The following TRPM1 variants were observed in gnomAD, a reference collection of about 807,000 sequenced individuals.
TRPM1 encodes TRPM1-203 APA Isoform, Intron 10.
TRPM1 carries 113 observed loss-of-function variants against 149.4 expected under a neutral mutation model. That is an observed-to-expected ratio of 0.76 (90% CI 0.65 to 0.88). The LOEUF (loss-of-function observed/expected upper bound fraction) is 0.88. Ranked by LOEUF, TRPM1 falls within the 40% of genes least tolerant of loss-of-function variation. The probability of loss-of-function intolerance (pLI) is 0.00; values close to 1 mark genes in which losing one functional copy is unlikely to be tolerated. For missense variants in TRPM1, 1,976 were observed against 2,038.7 expected (o/e 0.97, Z 0.59); for synonymous variants, 741 against 759.5 (o/e 0.98, Z 0.40).
intron 1 of TRPM1, among the ~76,000 whole-genome samples, chr15:31,089,122 A>G (rs951942373): frequency 2.0e-5 from 3 of 152,214 alleles, no homozygotes; most frequent in East Asian, 1.9e-4. Flanking sequence ...CGTGATGAAT[A>G]CAGTGTGGAA....
intron 1 of TRPM1, among the ~76,000 whole-genome samples, chr15:31,082,891 G>T (rs2034900048): frequency 6.6e-6 from 1 of 152,272 alleles, no homozygotes; most frequent in Middle Eastern, 3.4e-3. Flanking sequence ...GGGGAGCCCA[G>T]AAATGGTGGG....
intron 1 of TRPM1, 131 bp downstream of exon 1, chr15:31,101,526 T>C: frequency 2.2e-6 from 1 of 449,816 alleles, no homozygotes; most frequent in African/African-American, 2.1e-5. Flanking sequence ...GCACCTGAGG[T>C]TACCAACACC....
At chr15:31,018,270 C>G (rs1334070171) in intron 27 of TRPM1, among the ~76,000 whole-genome samples, 1 of 152,054 alleles carries the variant, frequency 6.6e-6, no homozygotes, top group Admixed American at 6.6e-5. Flanking sequence ...AGGCTGGTCT[C>G]GAACCCCTGA....
At chr15:31,019,970 A>T (rs904601153) in intron 27 of TRPM1, among the ~76,000 whole-genome samples, 2 of 152,042 alleles carry the variant, frequency 1.3e-5, no homozygotes, top group African/African-American at 4.8e-5. Flanking sequence ...CTCCCGGCCA[A>T]GACTCATGTC....
chr15:31,133,201 C>T (rs754051402), intron 1 of TRPM1, among the ~76,000 whole-genome samples: 3 of 152,128 alleles, frequency 2.0e-5, no homozygotes, highest in Non-Finnish European at 4.4e-5. Flanking sequence ...CTTTGGGAGG[C>T]TGAGGTGGGC....
chr15:31,148,002 A>C (rs2036244125), intron 1 of TRPM1, among the ~76,000 whole-genome samples: 1 of 152,118 alleles, frequency 6.6e-6, no homozygotes. Context: ...ACAAAACAAA[A>C]CAAACAAAAA....
At chr15:31,106,792 C>T (rs895618411) in intron 1 of TRPM1, among the ~76,000 whole-genome samples, 3 of 152,136 alleles carry the variant, frequency 2.0e-5, no homozygotes, top group African/African-American at 7.2e-5. Flanking sequence ...AGGCTAGATT[C>T]CGAGAAGTGA....
In TRPM1 at chr15:31,015,115, T is replaced by C. The variant is rs186157848; in HGVS notation, c.3629+11024A>G. ...AATAATTTCATTTAATATTAAAAGA[T>C]ATATAACCTTGGCTGGGCACGGTGG... On this transcript the variant is annotated intron_variant, in intron 27 of 27. Coordinates refer to ENST00000256552, the MANE Select transcript of TRPM1 (RefSeq NM_001252024.2). 4.7e-3 allele frequency among the ~76,000 whole-genome samples: 709 copies of C among 151,128 alleles called. 5 individuals are homozygous for C. Among genetic ancestry groups the C allele is most frequent in the African/African-American group, 0.017 (688 of 41,048 alleles).
intron 1 of TRPM1, among the ~76,000 whole-genome samples, chr15:31,085,311 A>G (rs1203263091): frequency 6.6e-6 from 1 of 152,152 alleles, no homozygotes; most frequent in African/African-American, 2.4e-5. Flanking sequence ...TCATTTTCCA[A>G]TGGCACTGCT....
chr15:31,137,023 A>G (rs1440666158), intron 1 of TRPM1, among the ~76,000 whole-genome samples: 1 of 152,146 alleles, frequency 6.6e-6, no homozygotes, highest in Non-Finnish European at 1.5e-5. Context: ...TGTCTTCCTC[A>G]TGGAGTCCTG....
At chr15:31,030,947 C>T in intron 23 of TRPM1, 36 bp downstream of exon 23, 1 of 1,612,468 alleles carries the variant, frequency 6.2e-7, no homozygotes, top group South Asian at 1.1e-5. Context: ...GCCTCAGAAG[C>T]AGGGAAGAGA....
In TRPM1 at chr15:31,014,076, T is replaced by TAC. The variant is rs2032276915; in HGVS notation, c.3630-11008_3630-11007dup. On this transcript the variant is annotated intron_variant, in intron 27 of 27. Coordinates refer to ENST00000256552, the MANE Select transcript of TRPM1 (RefSeq NM_001252024.2). ...TAGCCTTCTCAGGTCTTCCTGAGTA[T>TAC]ACACACAGCCCTATGCATGCACATA... Among the ~76,000 whole-genome samples, 7 of 152,284 alleles carry TAC rather than the reference T, an allele frequency of 4.6e-5. No individual in the cohort carries two copies. In the South Asian group the frequency reaches 1.5e-3, roughly 32 times the overall value.
intron 1 of TRPM1, among the ~76,000 whole-genome samples, chr15:31,091,652 G>A (rs961150028): frequency 3.9e-5 from 6 of 152,068 alleles, no homozygotes; most frequent in African/African-American, 1.4e-4. Context: ...TGGTGAGGGC[G>A]GGAGAACCCC....
intron 16 of TRPM1, among the ~76,000 whole-genome samples, chr15:31,045,644 T>C (rs1298399760): frequency 6.6e-6 from 1 of 152,254 alleles, no homozygotes; most frequent in Non-Finnish European, 1.5e-5. Flanking sequence ...CTGCTCATCA[T>C]ACGTTTCCCT....
At chr15:31,004,872 C>T (rs557039582) in intron 27 of TRPM1, among the ~76,000 whole-genome samples, 1 of 152,216 alleles carries the variant, frequency 6.6e-6, no homozygotes, top group Non-Finnish European at 1.5e-5. Flanking sequence ...GAGGCCAAGG[C>T]GGGTGGATCA....
Position 31,053,938 on chromosome 15 carries a change from G to A in TRPM1, c.1264-3356C>T, listed in dbSNP as rs117980911. Reference sequence around the variant, plus strand: ...GAAATTCTGACAAATGCTACAACACGGATGAACCTTGAGACATTGTTCTGA... The same window carrying A: ...GAAATTCTGACAAATGCTACAACACAGATGAACCTTGAGACATTGTTCTGA... On this transcript the variant is annotated intron_variant, in intron 11 of 27. Transcript: ENST00000256552. Among the ~76,000 whole-genome samples, 1,424 of 152,222 alleles carry A rather than the reference G, an allele frequency of 9.4e-3. 8 individuals carry two copies. Among genetic ancestry groups the A allele is most frequent in the Non-Finnish European group, 0.016 (1,081 of 68,014 alleles).
intron 18 of TRPM1, among the ~76,000 whole-genome samples, chr15:31,038,745 C>T (rs2140925367): frequency 6.6e-6 from 1 of 151,818 alleles, no homozygotes; most frequent in South Asian, 2.1e-4. Flanking sequence ...AATAAAAGTC[C>T]TTACATGAAA....
At chr15:31,036,681 C>T (rs920717659) in intron 20 of TRPM1, among the ~76,000 whole-genome samples, 3 of 152,360 alleles carry the variant, frequency 2.0e-5, no homozygotes, top group Admixed American at 1.3e-4. Flanking sequence ...GCCCCATCTC[C>T]GGCAGCAGCC....
At chr15:31,088,657 C>G (rs1463257218) in intron 1 of TRPM1, among the ~76,000 whole-genome samples, 1 of 152,214 alleles carries the variant, frequency 6.6e-6, no homozygotes. Context: ...GCCACACTCA[C>G]GGACTAGGAT....
Sources: allele counts gnomAD v4.1 joint callset (sites outside exome capture counted in the v4.1 genomes callset), GRCh38; gene constraint gnomAD v4.1.1; transcripts MANE v1.5; gene names NCBI Gene and HGNC (gene_info 2026-07-23, HGNC 2026-07-21).